Variants in ANO4 observed in about 807,000 individuals in gnomAD.
The protein encoded by ANO4 is anoctamin 4.
Under a neutral mutation model 141.9 loss-of-function variants are expected in ANO4, and 69 were observed. The ratio of observed to expected loss-of-function variants is 0.49; its 90% CI spans 0.40 to 0.59. ANO4 has a LOEUF of 0.59. Ranked by LOEUF, ANO4 falls within the 20% of genes least tolerant of loss-of-function variation. The probability of loss-of-function intolerance (pLI) is 0.00; values close to 1 mark genes in which losing one functional copy is unlikely to be tolerated. For missense variants in ANO4, 894 were observed against 1,162.2 expected (o/e 0.77, Z 3.36); for synonymous variants, 350 against 394.3 (o/e 0.89, Z 1.33).
intron 1 of ANO4, among the ~76,000 whole-genome samples, chr12:100,873,022 T>C (rs1363311160): frequency 6.6e-6 from 1 of 152,210 alleles, no homozygotes; most frequent in Admixed American, 6.5e-5. Context: ...TTCTTCCTCC[T>C]TCTTTGGCCA....
chr12:100,744,118 A>T (rs10507117), intron 3 of ANO4, among the ~76,000 whole-genome samples: 1 of 152,102 alleles, frequency 6.6e-6, no homozygotes, highest in Non-Finnish European at 1.5e-5. Flanking sequence ...CAAGTTTTAC[A>T]TGTGTATTTA....
intron 3 of ANO4, among the ~76,000 whole-genome samples, chr12:100,778,405 A>G (rs182577888): frequency 6.6e-6 from 1 of 152,278 alleles, no homozygotes; most frequent in Admixed American, 6.5e-5. Flanking sequence ...TTAACTATAT[A>G]AAAACTAAAT....
At chr12:101,051,536 G>T (rs968434502) in intron 14 of ANO4, among the ~76,000 whole-genome samples, 2 of 152,180 alleles carry the variant, frequency 1.3e-5, no homozygotes, top group African/African-American at 2.4e-5. Flanking sequence ...TAGAGATAAT[G>T]CCTTTTGCAG....
intron 17 of ANO4, among the ~76,000 whole-genome samples, chr12:101,089,158 C>T (rs2049636612): frequency 6.6e-6 from 1 of 152,072 alleles, no homozygotes; most frequent in Non-Finnish European, 1.5e-5. Context: ...GTTCTTTAAA[C>T]AATCCTGAGT....
At chr12:100,748,041 G>A (rs2135489291) in intron 3 of ANO4, among the ~76,000 whole-genome samples, 1 of 152,278 alleles carries the variant, frequency 6.6e-6, no homozygotes, top group African/African-American at 2.4e-5. Context: ...AGAGCATGGT[G>A]TCTTATATTG....
chr12:100,949,845 A>G (rs1030175943), intron 5 of ANO4, among the ~76,000 whole-genome samples: 8 of 152,214 alleles, frequency 5.3e-5, no homozygotes, highest in Non-Finnish European at 7.3e-5. Flanking sequence ...GTTATAGATC[A>G]ATTCAGAGCT....
intron 8 of ANO4, among the ~76,000 whole-genome samples, chr12:101,016,640 C>T (rs2046327750): frequency 6.6e-6 from 1 of 152,180 alleles, no homozygotes; most frequent in East Asian, 1.9e-4. Context: ...AGCCCTTTAC[C>T]TGTGCTGGAA....
intron 6 of ANO4, among the ~76,000 whole-genome samples, chr12:100,974,333 C>T (rs1479735980): frequency 1.3e-5 from 2 of 151,940 alleles, no homozygotes; most frequent in Non-Finnish European, 2.9e-5. Flanking sequence ...GTGTCCTTCC[C>T]ATACTGGTTG....
At chr12:100,933,254 T>G (rs2042153645) in intron 3 of ANO4, among the ~76,000 whole-genome samples, 1 of 152,136 alleles carries the variant, frequency 6.6e-6, no homozygotes, top group East Asian at 1.9e-4. Flanking sequence ...TTTCTCCTAA[T>G]GATATCCCTC....
chr12:100,722,926 C>T (rs2030933768), intron 1 of ANO4, among the ~76,000 whole-genome samples: 1 of 152,078 alleles, frequency 6.6e-6, no homozygotes, highest in Non-Finnish European at 1.5e-5. Context: ...TACATGCTAG[C>T]TGGCTGGGAC....
intron 1 of ANO4, among the ~76,000 whole-genome samples, chr12:100,863,498 C>G (rs960614382): frequency 6.6e-6 from 1 of 152,142 alleles, no homozygotes; most frequent in African/African-American, 2.4e-5. Context: ...CAATCTTACT[C>G]TTGAAATGAA....
chr12:101,009,941 A>T (rs1046936850), intron 8 of ANO4, among the ~76,000 whole-genome samples: 3 of 151,732 alleles, frequency 2.0e-5, no homozygotes, highest in Non-Finnish European at 4.4e-5. Context: ...TCTTCAAGTT[A>T]TTTTCTGGAC....
At chr12:101,126,787 C>T in intron 26 of ANO4, 92 bp from the exon 27 acceptor site, 1 of 1,208,484 alleles carries the variant, frequency 8.3e-7, no homozygotes, top group Non-Finnish European at 1.2e-6. Flanking sequence ...CTCCACATAC[C>T]CCAGAGGGTC....
intron 1 of ANO4, among the ~76,000 whole-genome samples, chr12:100,898,370 C>G (rs1312678571): frequency 6.6e-6 from 1 of 152,140 alleles, no homozygotes; most frequent in Non-Finnish European, 1.5e-5. Flanking sequence ...ATCTCTTTCT[C>G]CCATTGACTT....
At chr12:100,768,193 G>A (rs2033163937) in intron 3 of ANO4, among the ~76,000 whole-genome samples, 1 of 152,220 alleles carries the variant, frequency 6.6e-6, no homozygotes. Flanking sequence ...GGCTGGCCTG[G>A]TGCCAGGTTT....
chr12:101,114,717 G>T (rs1019980503), intron 24 of ANO4, among the ~76,000 whole-genome samples: 2 of 151,874 alleles, frequency 1.3e-5, no homozygotes, highest in Non-Finnish European at 2.9e-5. Flanking sequence ...CAGATCTCTA[G>T]AAAGACTCTG....
At chr12:101,080,161 A>G (rs1463133639) in intron 15 of ANO4, among the ~76,000 whole-genome samples, 3 of 152,234 alleles carry the variant, frequency 2.0e-5, no homozygotes, top group Non-Finnish European at 4.4e-5. Context: ...TGAAGGGAAC[A>G]CATGTATATA....
At chr12:101,101,557 G>C (rs73379493) in intron 22 of ANO4, among the ~76,000 whole-genome samples, 8,469 of 151,868 alleles carry the variant, frequency 0.056, 745 homozygotes, top group African/African-American at 0.19. Context: ...ACAGCACACA[G>C]ACCCCTATAC....
intron 1 of ANO4, among the ~76,000 whole-genome samples, chr12:100,827,358 T>A (rs2036406388): frequency 1.3e-5 from 2 of 152,098 alleles, no homozygotes; most frequent in South Asian, 4.1e-4. Context: ...GGTTTTTATT[T>A]AAAAATATCT....
Sources: gnomAD v4.1 joint callset for allele counts (sites outside exome capture counted in the v4.1 genomes callset) on GRCh38, gnomAD v4.1.1 for gene constraint, MANE v1.5 for transcripts, NCBI Gene and HGNC (gene_info 2026-07-23, HGNC 2026-07-21) for gene names.